The following PPM1K variants were observed in gnomAD, a reference collection of about 807,000 sequenced individuals.
PPM1K encodes protein phosphatase, Mg2+/Mn2+ dependent 1K, also known as protein phosphatase Mn(2+)-dependent 1K.
PPM1K carries 19 observed loss-of-function variants against 32.6 expected under a neutral mutation model. That is an observed-to-expected ratio of 0.58 (90% CI 0.41 to 0.86). The LOEUF is 0.86. Among genes scored for constraint, PPM1K ranks in the 40% least tolerant of loss-of-function variants. PPM1K has a pLI of 0.00. For missense variants in PPM1K, 362 were observed against 461.2 expected (o/e 0.78, Z 1.97); for synonymous variants, 159 against 165.3 (o/e 0.96, Z 0.29).
chr4:88,271,859 C>A (rs1034165159), intron 3 of PPM1K, among the ~76,000 whole-genome samples: 1 of 152,004 alleles, frequency 6.6e-6, no homozygotes, highest in African/African-American at 2.4e-5. Flanking sequence ...AGACTTAGTA[C>A]CTATAAGGCA....
chr4:88,271,072 T>C (rs1731539136), intron 3 of PPM1K: 2 of 518,838 alleles, frequency 3.9e-6, no homozygotes, highest in Admixed American at 1.9e-5. Context: ...TAGTCCAGGA[T>C]AGGAACCGCT....
At chr4:88,270,237 AT>A (rs1397918909) in intron 3 of PPM1K, among the ~76,000 whole-genome samples, 3 of 152,232 alleles carry the variant, frequency 2.0e-5, no homozygotes, top group African/African-American at 7.2e-5. Context: ...CAATCAGTAT[AT>A]TAAAATGCCT....
At chr4:88,275,468 T>C in intron 3 of PPM1K, 2 of 985,352 alleles carry the variant, frequency 2.0e-6, no homozygotes, top group Non-Finnish European at 2.4e-6. Context: ...AAAGGAGTCC[T>C]GTCATATTTT....
intron 1 of PPM1K, chr4:88,279,415 ACT>A: frequency 6.6e-6 from 1 of 152,122 alleles, no homozygotes. Context: ...ATCCTAGCAG[ACT>A]CTCTCACTAG....
chr4:88,272,263 C>T (rs992177158), intron 3 of PPM1K, among the ~76,000 whole-genome samples: 1 of 152,032 alleles, frequency 6.6e-6, no homozygotes, highest in African/African-American at 2.4e-5. Context: ...TTGGCTGTCC[C>T]GGCATAGGGG....
rs1292836277 is a variant in PPM1K, at chr4:88,284,455, CG to C, written c.-110del. ...AATGTTTTAATTAGCTAACGGAGGACGGGGGAGGAGCTTTCTTGGTCGGTAA... is the reference window on the plus strand; with the variant it reads ...AATGTTTTAATTAGCTAACGGAGGACGGGGAGGAGCTTTCTTGGTCGGTAA... On this transcript the variant is annotated 5_prime_UTR_variant, in exon 1 of 7. Transcript: ENST00000608933. 5 of 152,322 alleles carry C rather than the reference CG, an allele frequency of 3.3e-5. No individual in the cohort carries two copies. The highest frequency in any genetic ancestry group is 4.4e-5 in the Non-Finnish European group (3 of 68,112). 9.4% of individuals were successfully genotyped at this position (152,322 alleles called of 1,614,324 possible). A position where few individuals can be genotyped will look rare whatever the true frequency, so the allele number is the denominator to read the frequency against.
chr4:88,268,458 TA>T (rs1295405851), intron 4 of PPM1K, 124 bp from the exon 5 acceptor site: 2 of 1,144,354 alleles, frequency 1.7e-6, no homozygotes, highest in Non-Finnish European at 2.5e-6. Flanking sequence ...CCGTCTCTAC[TA>T]AAAAACAAAA....
rs1449230451 is a variant in PPM1K at position 88,268,768 on chromosome 4, G to A, written c.680C>T (p.Thr227Ile). Residue 227 changes from threonine (T) to isoleucine (I), a missense_variant, in exon 4 of 7, where the codon ACT becomes ATT. Physicochemically the swap from Thr to Ile is moderately conservative, Grantham distance 89. Transcript: ENST00000608933. ...TTCTTTTTCATCTTTTCTTTCTGGA[G>A]TATGGTCAATGGTCAGCTTCATGGG... ...GKPMKLTIDH[T>I]PERKDEKERI... is the part of the protein sequence containing the mutation. 2.5e-6 allele frequency: 4 copies of A among 1,613,858 alleles called. No homozygotes were observed. The highest frequency in any genetic ancestry group is 3.4e-6 in the Non-Finnish European group (4 of 1,179,904).
chr4:88,283,194 A>C (rs1258122953), intron 1 of PPM1K, among the ~76,000 whole-genome samples: 1 of 152,110 alleles, frequency 6.6e-6, no homozygotes, highest in African/African-American at 2.4e-5. Flanking sequence ...GGCTCACTGC[A>C]GCCTCGACCA....
intron 6 of PPM1K, 150 bp from the exon 7 acceptor site, chr4:88,262,876 G>A: frequency 2.6e-6 from 2 of 776,552 alleles, no homozygotes. Context: ...TTTCACAATG[G>A]TTTGTGATTT....
chr4:88,258,108 TA>T lies in PPM1K; in HGVS notation c.*4486del, dbSNP rs1401260623. 1.3e-5 allele frequency: 2 copies of T among 152,122 alleles called. No individual in the cohort carries two copies. Among genetic ancestry groups the T allele is most frequent in the Non-Finnish European group, 2.9e-5 (2 of 68,026 alleles). 9.4% of individuals were successfully genotyped at this position (152,122 alleles called of 1,614,324 possible). ...CATCTATATAAGCGAATCTAATAAATACAATAAAATGTAACCCAACAAAATT... is the reference window on the plus strand; with the variant it reads ...CATCTATATAAGCGAATCTAATAAATCAATAAAATGTAACCCAACAAAATT... On this transcript the variant is annotated 3_prime_UTR_variant, in exon 7 of 7. Coordinates refer to ENST00000608933, the MANE Select transcript of PPM1K (RefSeq NM_152542.5).
intron 5 of PPM1K, 41 bp downstream of exon 5, chr4:88,268,149 C>T: frequency 6.2e-7 from 1 of 1,602,956 alleles, no homozygotes; most frequent in Non-Finnish European, 8.5e-7. Context: ...CCTACATTCA[C>T]TCTCCGCAGG....
Position 88,278,123 on chromosome 4 carries a change from A to G in PPM1K, c.440+21T>C. The G allele has an allele frequency of 6.3e-7, 1 of 1,592,384 alleles. No homozygotes were observed. Among genetic ancestry groups the G allele is most frequent in the Non-Finnish European group, 8.6e-7 (1 of 1,163,910 alleles). ...GAAGTATAGGAACTGCAAAGTCAGG[A>G]GTGAAAGTCATTGTACATACATAAT... is the stretch of plus-strand genomic sequence containing the variant. On this transcript the variant is annotated intron_variant, in intron 2 of 6. Coordinates refer to ENST00000608933, the MANE Select transcript of PPM1K (RefSeq NM_152542.5). This position sits in a 1 kb window ranked among gnomAD's most constrained non-coding sequence, Gnocchi z 4.2.
At chr4:88,263,182 A>G (rs1418615376) in intron 6 of PPM1K, among the ~76,000 whole-genome samples, 1 of 152,250 alleles carries the variant, frequency 6.6e-6, no homozygotes, top group Admixed American at 6.5e-5. Flanking sequence ...CAAAAAAACT[A>G]GCCATAATCG....
chr4:88,278,104 T>C lies in PPM1K; in HGVS notation c.440+40A>G, dbSNP rs768854658. 4 of 1,543,932 alleles carry C rather than the reference T, an allele frequency of 2.6e-6. No homozygotes were observed. Among genetic ancestry groups the C allele is most frequent in the South Asian group, 2.4e-5 (2 of 84,410 alleles). ...AGGGTGAAAGTTTAAGTAGGAAGTA[T>C]AGGAACTGCAAAGTCAGGAGTGAAA... is the stretch of plus-strand genomic sequence containing the variant. On this transcript the variant is annotated intron_variant, in intron 2 of 6. Transcript: ENST00000608933. The surrounding 1 kb of genome is among the most constrained non-coding windows in gnomAD (Gnocchi z 4.2).
At chr4:88,275,807 C>T in intron 3 of PPM1K, 1 of 985,330 alleles carries the variant, frequency 1.0e-6, no homozygotes, top group Non-Finnish European at 1.2e-6. Context: ...TCCTCTTTTC[C>T]TTCATGTGTT....
intron 3 of PPM1K, 70 bp downstream of exon 3, chr4:88,277,073 T>G: frequency 8.5e-7 from 1 of 1,173,264 alleles, no homozygotes; most frequent in Non-Finnish European, 1.3e-6. Context: ...GGACTTAAAG[T>G]GTTTCCTTTT....
Position 88,277,195 on chromosome 4 carries a change from A to G in PPM1K, c.489T>C (p.Ala163=), listed in dbSNP as rs1322112623. Residue 163 remains alanine (A), a synonymous_variant, in exon 3 of 7, where the codon GCT becomes GCC. Coordinates refer to ENST00000608933, the MANE Select transcript of PPM1K (RefSeq NM_152542.5). ...AAAAGGCTTTATCTATTTCTAGAAA[A>G]GCCAAGGTCAACAGAGTTTCCAAGT... ...EKNLETLLTL[A]FLEIDKAFSS... The G allele has an allele frequency of 6.2e-7, 1 of 1,614,148 alleles. No individual in the cohort carries two copies. Among genetic ancestry groups the G allele is most frequent in the Admixed American group, 1.7e-5 (1 of 60,030 alleles).
intron 3 of PPM1K, among the ~76,000 whole-genome samples, chr4:88,274,656 C>G (rs1230279013): frequency 6.6e-6 from 1 of 152,168 alleles, no homozygotes; most frequent in African/African-American, 2.4e-5. Flanking sequence ...TCTTATAATA[C>G]TGATACTGCT....
Sources: gnomAD v4.1 joint callset for allele counts (sites outside exome capture counted in the v4.1 genomes callset) on GRCh38, gnomAD v4.1.1 for gene constraint, Gnocchi (gnomAD v3.1) non-coding constraint, MANE v1.5 for transcripts, NCBI Gene and HGNC (gene_info 2026-07-23, HGNC 2026-07-21) for gene names.